KATNIP: variants seen among roughly 807,000 people sequenced by gnomAD.
The protein encoded by KATNIP is katanin-interacting protein.
A neutral mutation model predicts 174.0 loss-of-function variants in KATNIP; 126 were observed. That is an observed-to-expected ratio of 0.72 (90% CI 0.63 to 0.84). The LOEUF is 0.84. Among genes scored for constraint, KATNIP ranks in the 40% least tolerant of loss-of-function variants. KATNIP has a pLI of 0.00. For missense variants in KATNIP, 1,958 were observed against 2,109.7 expected (o/e 0.93, Z 1.41); for synonymous variants, 810 against 835.7 (o/e 0.97, Z 0.53).
intron 5 of KATNIP, among the ~76,000 whole-genome samples, chr16:27,633,464 A>T (rs1330422430): frequency 8.3e-5 from 12 of 144,744 alleles, no homozygotes; most frequent in Non-Finnish European, 1.2e-4. Context: ...TATATTTTTT[A>T]TTTTTTTTTT....
At chr16:27,682,176 CAA>C (rs2078369343) in intron 8 of KATNIP, among the ~76,000 whole-genome samples, 1 of 152,164 alleles carries the variant, frequency 6.6e-6, no homozygotes, top group African/African-American at 2.4e-5. Flanking sequence ...TCTGAAAGTA[CAA>C]AAGAGTCGAT....
intron 15 of KATNIP, among the ~76,000 whole-genome samples, chr16:27,745,630 T>C (rs1054608461): frequency 6.6e-6 from 1 of 152,360 alleles, no homozygotes; most frequent in Admixed American, 6.5e-5. Flanking sequence ...TAGTAGCAAT[T>C]ACCACATACC....
At chr16:27,736,163 T>C (rs769577620) in intron 14 of KATNIP, among the ~76,000 whole-genome samples, 26 of 152,114 alleles carry the variant, frequency 1.7e-4, no homozygotes, top group Non-Finnish European at 3.7e-4. Context: ...CCATCATGCC[T>C]GGCTAATTTT....
In KATNIP at chr16:27,569,430, GT is replaced by G. The variant is rs2090206960; in HGVS notation, c.8-4469del. On this transcript the variant is annotated intron_variant, in intron 1 of 27. Coordinates refer to ENST00000261588, the MANE Select transcript of KATNIP (RefSeq NM_015202.5). ...TTTTCTTTTCCCCAGACAGACATCT[GT>G]TCTATAAAGTGAAGTATATTGGCCT... Among the ~76,000 whole-genome samples the G allele has an allele frequency of 2.0e-5, 3 of 152,274 alleles. No individual in the cohort carries two copies. The South Asian group carries it at 6.2e-4, about 32-fold the overall frequency.
chr16:27,588,328 G>A (rs940271314), intron 2 of KATNIP, among the ~76,000 whole-genome samples: 7 of 152,048 alleles, frequency 4.6e-5, no homozygotes, highest in African/African-American at 1.7e-4. Flanking sequence ...ATAAGCTTAA[G>A]TGTATAGTTT....
chr16:27,678,232 G>A (rs2142766162), intron 7 of KATNIP, among the ~76,000 whole-genome samples: 1 of 152,282 alleles, frequency 6.6e-6, no homozygotes, highest in South Asian at 2.1e-4. Flanking sequence ...TGTCTGTTCT[G>A]TACACTGTAA....
chr16:27,696,770 C>A (rs2078926883), intron 8 of KATNIP, among the ~76,000 whole-genome samples: 1 of 151,350 alleles, frequency 6.6e-6, no homozygotes, highest in African/African-American at 2.4e-5. Flanking sequence ...CTCTTGTTGC[C>A]CTGGCCGGAG....
chr16:27,599,432 G>C (rs1303394132), intron 2 of KATNIP, among the ~76,000 whole-genome samples: 2 of 152,156 alleles, frequency 1.3e-5, no homozygotes, highest in Non-Finnish European at 2.9e-5. Flanking sequence ...AGAGTGGTGA[G>C]AGCAGATTGC....
rs548528167 is a variant in KATNIP at position 27,705,267 on chromosome 16, T to G, written c.1389+1269T>G. On this transcript the variant is annotated intron_variant, in intron 12 of 27. Coordinates refer to ENST00000261588, the MANE Select transcript of KATNIP (RefSeq NM_015202.5). ...CCCAGCACTCCCTTCTGCCCCTACC[T>G]TCACTCAAGCCATTCTTAGTATTAT... Among the ~76,000 whole-genome samples the G allele has an allele frequency of 8.5e-5, 13 of 152,282 alleles. No individual in the cohort carries two copies. The South Asian group carries it at 2.7e-3, about 32-fold the overall frequency.
chr16:27,598,581 G>A (rs749223602), intron 2 of KATNIP, among the ~76,000 whole-genome samples: 5 of 152,142 alleles, frequency 3.3e-5, no homozygotes, highest in Non-Finnish European at 7.3e-5. Context: ...TTGGGGATTC[G>A]GGTCTGGCCT....
chr16:27,557,763 G>C (rs2089690164), intron 1 of KATNIP, among the ~76,000 whole-genome samples: 1 of 152,010 alleles, frequency 6.6e-6, no homozygotes, highest in African/African-American at 2.4e-5. Flanking sequence ...TTGCACAAGT[G>C]GGCTGAAACA....
At chr16:27,626,568 C>A (rs2076338995) in intron 3 of KATNIP, among the ~76,000 whole-genome samples, 2 of 152,136 alleles carry the variant, frequency 1.3e-5, no homozygotes, top group African/African-American at 2.4e-5. Flanking sequence ...TTGCATTCTA[C>A]CCCTGCCACA....
chr16:27,606,976 T>A (rs2075728738), intron 2 of KATNIP, among the ~76,000 whole-genome samples: 1 of 152,146 alleles, frequency 6.6e-6, no homozygotes, highest in African/African-American at 2.4e-5. Context: ...TCTTCCTCCC[T>A]TCCCTAGTAG....
chr16:27,604,901 T>G (rs2075652311), intron 2 of KATNIP, among the ~76,000 whole-genome samples: 1 of 152,202 alleles, frequency 6.6e-6, no homozygotes, highest in Non-Finnish European at 1.5e-5. Context: ...AAACCTTCCT[T>G]TTTAAAGTAA....
At chr16:27,552,574 C>T (rs2089431297) in intron 1 of KATNIP, among the ~76,000 whole-genome samples, 1 of 151,352 alleles carries the variant, frequency 6.6e-6, no homozygotes, top group African/African-American at 2.4e-5. Context: ...TGGGGTTTCC[C>T]CATGTTGGCC....
intron 1 of KATNIP, among the ~76,000 whole-genome samples, chr16:27,569,907 T>C (rs551272466): frequency 6.6e-6 from 1 of 152,300 alleles, no homozygotes; most frequent in East Asian, 1.9e-4. Context: ...TTTATTTTAT[T>C]CTTTTTGTTT....
intron 6 of KATNIP, among the ~76,000 whole-genome samples, chr16:27,660,209 C>T (rs568086405): frequency 6.6e-6 from 1 of 152,210 alleles, no homozygotes; most frequent in African/African-American, 2.4e-5. Flanking sequence ...GCTCTGAAAT[C>T]GTAAATCCTA....
At chr16:27,711,136 G>T (rs1265564341) in intron 13 of KATNIP, among the ~76,000 whole-genome samples, 2 of 152,154 alleles carry the variant, frequency 1.3e-5, no homozygotes, top group Non-Finnish European at 2.9e-5. Context: ...TGCCACGCAG[G>T]CCAGGAGAGG....
chr16:27,631,918 C>T (rs371275195), intron 5 of KATNIP, among the ~76,000 whole-genome samples: 4 of 152,180 alleles, frequency 2.6e-5, no homozygotes, highest in African/African-American at 9.7e-5. Flanking sequence ...AGGTACCACA[C>T]GTAGGCTCAG....
Sources: allele counts gnomAD v4.1 joint callset (sites outside exome capture counted in the v4.1 genomes callset), GRCh38; gene constraint gnomAD v4.1.1; transcripts MANE v1.5; gene names NCBI Gene and HGNC (gene_info 2026-07-23, HGNC 2026-07-21).